CFAP44: variants seen among roughly 807,000 people sequenced by gnomAD.
CFAP44 encodes cilia and flagella associated protein 44.
Under a neutral mutation model 216.2 loss-of-function variants are expected in CFAP44, and 134 were observed. The ratio of observed to expected loss-of-function variants is 0.62; its 90% CI spans 0.54 to 0.72. CFAP44 has a LOEUF of 0.72. CFAP44 is among the 30% of genes least tolerant of loss of function. The pLI is 0.00. For missense variants in CFAP44, 2,035 were observed against 2,182.1 expected, an observed-to-expected ratio of 0.93 and a Z score of 1.34; for synonymous variants, 700 against 727.6, an observed-to-expected ratio of 0.96 and a Z score of 0.61.
At chr3:113,429,083 AT>A (rs548905891) in intron 2 of CFAP44, 167 of 152,240 alleles carry the variant, frequency 1.1e-3, no homozygotes, top group African/African-American at 3.9e-3. Flanking sequence ...TTTATAAAAA[AT>A]TTATAAGAAC....
At chr3:113,319,203 A>G (rs972676389) in intron 28 of CFAP44, among the ~76,000 whole-genome samples, 1 of 152,208 alleles carries the variant, frequency 6.6e-6, no homozygotes, top group African/African-American at 2.4e-5. Flanking sequence ...CTCAGATATA[A>G]TTATACCCAT....
At chr3:113,329,814 T>C (rs922794083) in intron 26 of CFAP44, among the ~76,000 whole-genome samples, 8 of 152,202 alleles carry the variant, frequency 5.3e-5, no homozygotes, top group Admixed American at 1.3e-4. Context: ...CTTAGCTATG[T>C]TCCATCCATT....
intron 28 of CFAP44, among the ~76,000 whole-genome samples, chr3:113,323,119 G>T (rs1396470821): frequency 2.0e-5 from 3 of 152,164 alleles, no homozygotes; most frequent in Non-Finnish European, 4.4e-5. Context: ...TACATGTGGG[G>T]ATTATGGGGA....
intron 18 of CFAP44, among the ~76,000 whole-genome samples, chr3:113,371,198 A>G (rs1933149911): frequency 6.6e-6 from 1 of 152,218 alleles, no homozygotes; most frequent in African/African-American, 2.4e-5. Context: ...TCAAGCTACC[A>G]ATGACTTTCT....
rs58988763 is a variant in CFAP44, at chr3:113,379,370, G to A, written c.2234C>T (p.Pro745Leu). Residue 745 changes from proline (P) to leucine (L), a missense_variant, in exon 17 of 35, where the codon CCG (proline) becomes CTG (leucine). By Grantham distance (98) the Pro-to-Leu change is moderately conservative. Coordinates refer to ENST00000393845, the MANE Select transcript of CFAP44 (RefSeq NM_001164496.2). The part of the protein sequence containing the change: ...EEEPLPEIFI[P>L]STPSPILCGF... ...ACAGAGGATGGGAGAGGGGGTTGAC[G>A]GAATAAATATTTCAGGTAATGGCTC... is the stretch of plus-strand genomic sequence containing the variant. 58,523 of 1,612,694 alleles carry A rather than the reference G, an allele frequency of 0.036. 1,376 individuals carry two copies. Among genetic ancestry groups the A allele is most frequent in the East Asian group, 0.11 (4,779 of 44,810 alleles).
At chr3:113,380,622 C>A (rs1933481217) in intron 16 of CFAP44, among the ~76,000 whole-genome samples, 1 of 152,080 alleles carries the variant, frequency 6.6e-6, no homozygotes, top group South Asian at 2.1e-4. Context: ...TACTAAATGT[C>A]ACTTCCATGC....
intron 18 of CFAP44, among the ~76,000 whole-genome samples, chr3:113,368,133 T>A (rs1315442707): frequency 6.6e-6 from 1 of 152,184 alleles, no homozygotes; most frequent in African/African-American, 2.4e-5. Context: ...CTGAAAGTGA[T>A]GGGGAAAATG....
intron 2 of CFAP44, among the ~76,000 whole-genome samples, chr3:113,433,066 T>C (rs1935145862): frequency 6.6e-6 from 1 of 152,134 alleles, no homozygotes; most frequent in South Asian, 2.1e-4. Flanking sequence ...TATGTAGTCC[T>C]TTTTCTTTGC....
intron 28 of CFAP44, among the ~76,000 whole-genome samples, chr3:113,320,519 TTAATGAAGTTATATATGTATATATA>T (rs1190982785): frequency 9.0e-5 from 13 of 143,802 alleles, no homozygotes; most frequent in East Asian, 4.0e-4. Context: ...TATACAGTAC[TTAATGAAGTTATATATGTATATATA>T]TAATGAAGTT....
intron 27 of CFAP44, 53 bp from the exon 28 acceptor site, chr3:113,326,693 C>A: frequency 8.6e-7 from 1 of 1,167,076 alleles, no homozygotes; most frequent in South Asian, 1.7e-5. Flanking sequence ...AAACCAAGTT[C>A]AGAGAGCAAT....
chr3:113,326,429 A>G lies in CFAP44; in HGVS notation c.4516+16T>C. Reference sequence around the variant, plus strand: ...ATGAGAGAAAATAAGATCATATGCAAGAAAGAAATACAAACCAGCATCTCC... The same window carrying G: ...ATGAGAGAAAATAAGATCATATGCAGGAAAGAAATACAAACCAGCATCTCC... On this transcript the variant is annotated intron_variant, in intron 28 of 34. Coordinates refer to ENST00000393845, the MANE Select transcript of CFAP44 (RefSeq NM_001164496.2). 1 of 1,481,392 alleles carries G rather than the reference A, an allele frequency of 6.8e-7. No homozygotes were observed. The highest frequency in any genetic ancestry group is 1.4e-5 in the South Asian group (1 of 71,792). 91.8% of individuals were successfully genotyped at this position (1,481,392 alleles called of 1,614,324 possible). A position where few individuals can be genotyped will look rare whatever the true frequency, so the allele number is the denominator to read the frequency against.
chr3:113,427,796 T>A (rs1482340232), intron 2 of CFAP44, among the ~76,000 whole-genome samples: 1 of 151,988 alleles, frequency 6.6e-6, no homozygotes, highest in Non-Finnish European at 1.5e-5. Flanking sequence ...TGAGAACTGG[T>A]ATAGGAGTAA....
rs374267559 is a variant in CFAP44, at chr3:113,331,119, C to A, written c.3616-451G>T. On this transcript the variant is annotated intron_variant, in intron 25 of 34. Coordinates refer to ENST00000393845, the MANE Select transcript of CFAP44 (RefSeq NM_001164496.2). ...CACCTAGGCCCAAACTACAGGTTAG[C>A]CTATTTTCATTCTGTATTTTGGCCA... is the stretch of plus-strand genomic sequence containing the variant. 2.6e-5 allele frequency among the ~76,000 whole-genome samples: 4 copies of A among 152,278 alleles called. No individual in the cohort carries two copies. In the South Asian group the frequency reaches 8.3e-4, roughly 32 times the overall value.
At chr3:113,321,166 A>C (rs2107804393) in intron 28 of CFAP44, among the ~76,000 whole-genome samples, 1 of 152,346 alleles carries the variant, frequency 6.6e-6, no homozygotes, top group African/African-American at 2.4e-5. Flanking sequence ...CAAAAAGTTA[A>C]TTCCCCATGA....
rs978479902 is a variant in CFAP44 at position 113,326,339 on chromosome 3, C to G, written c.4516+106G>C. On this transcript the variant is annotated intron_variant, in intron 28 of 34. Transcript: ENST00000393845. The stretch of plus-strand genomic sequence containing the variant: ...AGCCCCCACAGTGTCTCTACATTGT[C>G]CATGTTATAGTGAAAAAAATAAGGT... The G allele has an allele frequency of 6.6e-6, 7 of 1,058,516 alleles. No individual in the cohort carries two copies. In the African/African-American group the frequency reaches 1.1e-4, roughly 17 times the overall value. 65.6% of individuals were successfully genotyped at this position (1,058,516 alleles called of 1,614,324 possible).
At chr3:113,404,806 C>A (rs1302785642) in intron 8 of CFAP44, among the ~76,000 whole-genome samples, 1 of 152,118 alleles carries the variant, frequency 6.6e-6, no homozygotes, top group Non-Finnish European at 1.5e-5. Flanking sequence ...AACATTGAAG[C>A]ACAAAACAGT....
Position 113,416,364 on chromosome 3 carries a change from T to G in CFAP44, c.673+161A>C, listed in dbSNP as rs144600353. ...ATTGGGGCATTTAGCCCATTTACATTTAAGGTTAGTATTGTTGTGTGTGAA... is the reference window on the plus strand; with the variant it reads ...ATTGGGGCATTTAGCCCATTTACATGTAAGGTTAGTATTGTTGTGTGTGAA... On this transcript the variant is annotated intron_variant, in intron 6 of 34. Coordinates refer to ENST00000393845, the MANE Select transcript of CFAP44 (RefSeq NM_001164496.2). Among the ~76,000 whole-genome samples the G allele has an allele frequency of 2.0e-3, 311 of 152,278 alleles. 2 individuals carry two copies. The highest frequency in any genetic ancestry group is 6.1e-3 in the African/African-American group (255 of 41,562).
chr3:113,303,148 G>A (rs1949954534), intron 32 of CFAP44, among the ~76,000 whole-genome samples: 1 of 152,128 alleles, frequency 6.6e-6, no homozygotes, highest in Non-Finnish European at 1.5e-5. Flanking sequence ...GGAGAAATTT[G>A]TTCAACCACT....
At chr3:113,376,763 T>C (rs896955950) in intron 17 of CFAP44, among the ~76,000 whole-genome samples, 2 of 152,152 alleles carry the variant, frequency 1.3e-5, no homozygotes, top group Non-Finnish European at 2.9e-5. Flanking sequence ...TTCAATAACT[T>C]TTTATGTAAC....
Sources: allele counts gnomAD v4.1 joint callset (sites outside exome capture counted in the v4.1 genomes callset), GRCh38; gene constraint gnomAD v4.1.1; transcripts MANE v1.5; gene names NCBI Gene and HGNC (gene_info 2026-07-23, HGNC 2026-07-21).